The following SPG11 variants were observed in gnomAD, a reference collection of about 807,000 sequenced individuals.
SPG11 encodes SPG11 vesicle trafficking associated, spatacsin, also known as spatacsin.
A neutral mutation model predicts 274.0 loss-of-function variants in SPG11; 222 were observed. The ratio of observed to expected loss-of-function variants is 0.81; its 90% confidence interval spans 0.73 to 0.91. SPG11 has a LOEUF of 0.91. Among genes scored for constraint, SPG11 ranks in the 40% least tolerant of loss-of-function variants. The pLI is 0.00. For missense variants in SPG11, 3,114 were observed against 2,872.7 expected, an observed-to-expected ratio of 1.08 and a Z score of -1.92; for synonymous variants, 1,144 against 1,039.7, an observed-to-expected ratio of 1.10 and a Z score of -1.93.
chr15:44,649,255 G>C (rs1479014665), intron 6 of SPG11, among the ~76,000 whole-genome samples: 1 of 152,088 alleles, frequency 6.6e-6, no homozygotes, highest in Non-Finnish European at 1.5e-5. Flanking sequence ...CCGGAGGGCA[G>C]TGGTGTGATC....
At chr15:44,579,303 T>TC (rs1466295698) in intron 30 of SPG11, among the ~76,000 whole-genome samples, 1 of 151,040 alleles carries the variant, frequency 6.6e-6, no homozygotes, top group Non-Finnish European at 1.5e-5. Context: ...GGTGGGTGGA[T>TC]CACCTGCAGT....
rs149003934 is a variant in SPG11, at chr15:44,573,595, C to T, written c.6157G>A (p.Val2053Met). Residue 2053 changes from valine to methionine, a missense_variant, in exon 32 of 40, where the codon GTG becomes ATG. Physicochemically the swap from Val to Met is conservative, Grantham distance 21. Transcript: ENST00000261866. Reference sequence around the variant, plus strand: ...AGCTCCCGTGTCACCTCTTCTGCCACGAGTTCAGCCACAGTATCTGGCTTA... The same window carrying T: ...AGCTCCCGTGTCACCTCTTCTGCCATGAGTTCAGCCACAGTATCTGGCTTA... ...GLKPDTVAEL[V>M]AEEVTRELLT... 1.8e-4 allele frequency: 287 copies of T among 1,614,062 alleles called. No individual in the cohort carries two copies. The highest frequency in any genetic ancestry group is 2.3e-4 in the Non-Finnish European group (275 of 1,180,044).
At chr15:44,590,581 T>G (rs2082877958) in intron 27 of SPG11, 1 of 152,142 alleles carries the variant, frequency 6.6e-6, no homozygotes, top group African/African-American at 2.4e-5. Flanking sequence ...AACAGATGCT[T>G]CTTTTGTGAC....
In SPG11 at chr15:44,582,986, C is replaced by T. The variant is rs1282530583; in HGVS notation, c.5866+828G>A. ...AAGGTACAGATGTCCACTCTCGCCA[C>T]CCCTATCCAACACAGTACTGAAAGG... On this transcript the variant is annotated intron_variant, in intron 30 of 39. Transcript: ENST00000261866. 2.6e-5 allele frequency among the ~76,000 whole-genome samples: 4 copies of T among 152,270 alleles called. No individual in the cohort carries two copies. The South Asian group carries it at 6.2e-4, about 24-fold the overall frequency.
At chr15:44,642,861 C>A (rs2084494378) in intron 7 of SPG11, among the ~76,000 whole-genome samples, 1 of 152,038 alleles carries the variant, frequency 6.6e-6, no homozygotes, top group South Asian at 2.1e-4. Flanking sequence ...CAGAGCAAGA[C>A]CCTGTCTCAT....
chr15:44,566,560 G>A (rs1324140745), intron 36 of SPG11, among the ~76,000 whole-genome samples: 3 of 152,100 alleles, frequency 2.0e-5, no homozygotes, highest in Non-Finnish European at 2.9e-5. Flanking sequence ...TGGTATCAAC[G>A]TGCATGTTGG....
rs765967405 is a variant in SPG11 at position 44,652,245 on chromosome 15, C to A, written c.891G>T (p.Leu297=). The A allele has an allele frequency of 6.2e-7, 1 of 1,613,928 alleles. No homozygotes were observed. The highest frequency in any genetic ancestry group is 8.5e-7 in the Non-Finnish European group (1 of 1,180,004). The change falls in exon 5 of 40, where the codon CTG becomes CTT. Residue 297 remains leucine (L), a synonymous_variant. Transcript: ENST00000261866. ...LYFRQHPGHL[L]CERILEDLPI... is the part of the protein sequence containing the mutation. ...GAAGATCTTCTAGTATTCTTTCACA[C>A]AGTAGGTGTCCTGGGTGTTGCCTAC...
chr15:44,594,595 CGAA>C (rs2082986440), intron 26 of SPG11, among the ~76,000 whole-genome samples: 1 of 76,346 alleles, frequency 1.3e-5, no homozygotes. Flanking sequence ...ATTAAAAATG[CGAA>C]AAAAAAAAAA....
At chr15:44,629,086 A>G (rs1290126059) in intron 9 of SPG11, 147 bp downstream of exon 9, 5 of 973,850 alleles carry the variant, frequency 5.1e-6, no homozygotes, top group Non-Finnish European at 8.0e-6. Context: ...ATCAAAACCC[A>G]TTTCACTTAC....
rs892937993 is a variant in SPG11 at position 44,652,129 on chromosome 15, C to T, written c.1007G>A (p.Arg336Lys). ...CTACATGAAAAGGAAGTTTCTGTAC[C>T]TATCAATTTGGAAGGAAAACTTGGC... Reference protein sequence around the residue: ...KLAKFSFQIDRSWKAQLSSLN... With the variant: ...KLAKFSFQIDKSWKAQLSSLN... Residue 336 changes from arginine (R) to lysine (K), a missense_variant and splice_region_variant, in exon 5 of 40, where the codon AGG (arginine) becomes AAG (lysine). Transcript: ENST00000261866. 16 of 1,614,012 alleles carry T rather than the reference C, an allele frequency of 9.9e-6. No homozygotes were observed. The highest frequency in any genetic ancestry group is 1.4e-5 in the Non-Finnish European group (16 of 1,179,982).
chr15:44,612,633 G>C (rs1179710638), intron 17 of SPG11, among the ~76,000 whole-genome samples: 2 of 152,072 alleles, frequency 1.3e-5, no homozygotes, highest in African/African-American at 4.8e-5. Context: ...CTATCCTCAA[G>C]TGATCCTTCC....
chr15:44,616,207 C>CTTTT (rs534285308), intron 15 of SPG11, among the ~76,000 whole-genome samples: 1 of 138,168 alleles, frequency 7.2e-6, no homozygotes, highest in African/African-American at 2.6e-5. Context: ...CATTCCCATA[C>CTTTT]TTTTTTTTTT....
chr15:44,584,099 G>C lies in SPG11; in HGVS notation c.5581C>G (p.Pro1861Ala). ...TSKYLELNSL[P>A]SKETCENRLD... ...CTATTCTCGCATGTCTCTTTGGATGGAAGGCTGTTAAGTTCTAAGTATTTT... is the reference window on the plus strand; with the variant it reads ...CTATTCTCGCATGTCTCTTTGGATGCAAGGCTGTTAAGTTCTAAGTATTTT... The change falls in exon 30 of 40, where the codon CCA becomes GCA. Residue 1861 changes from proline (P) to alanine (A), a missense_variant. Transcript: ENST00000261866. The C allele has an allele frequency of 6.2e-7, 1 of 1,614,236 alleles. No homozygotes were observed. The highest frequency in any genetic ancestry group is 1.1e-5 in the South Asian group (1 of 91,088).
In SPG11 at chr15:44,615,358, C is replaced by T; in HGVS notation, c.3038+5G>A. On this transcript the variant is annotated splice_donor_5th_base_variant and intron_variant, in intron 16 of 39. Coordinates refer to ENST00000261866, the MANE Select transcript of SPG11 (RefSeq NM_025137.4). ...CTCAAGGACAAATGCATTCTCAGTA[C>T]TCACTTGTAACAGTCAAGGTAGACA... 6.2e-7 allele frequency: 1 copy of T among 1,612,610 alleles called. No individual in the cohort carries two copies. Among genetic ancestry groups the T allele is most frequent in the Non-Finnish European group, 8.5e-7 (1 of 1,179,284 alleles).
At chr15:44,607,097 A>G (rs2083340221) in intron 19 of SPG11, among the ~76,000 whole-genome samples, 1 of 152,208 alleles carries the variant, frequency 6.6e-6, no homozygotes, top group Admixed American at 6.5e-5. Flanking sequence ...AAGTCTTGCT[A>G]CAAAAAAACC....
chr15:44,590,763 G>A (rs1013495399), intron 27 of SPG11: 2 of 152,148 alleles, frequency 1.3e-5, no homozygotes, highest in African/African-American at 2.4e-5. Flanking sequence ...TTCAAAACAC[G>A]TATATGTTAA....
chr15:44,576,794 G>C (rs1310062589), intron 30 of SPG11, among the ~76,000 whole-genome samples: 1 of 152,108 alleles, frequency 6.6e-6, no homozygotes, highest in Admixed American at 6.5e-5. Flanking sequence ...GTAAAAGATA[G>C]TTATTCTGGG....
Position 44,596,838 on chromosome 15 carries a change from A to T in SPG11, c.4107T>A (p.Asn1369Lys), listed in dbSNP as rs200700774. Residue 1369 changes from asparagine (N) to lysine (K), a missense_variant, in exon 24 of 40, where the codon AAT (asparagine) becomes AAA (lysine). By Grantham distance (94) the Asn-to-Lys change is moderately conservative. Transcript: ENST00000261866. ...ISYLRECAKANDWLQFIIHSQ... is the reference protein window; with the variant it reads ...ISYLRECAKAKDWLQFIIHSQ... ...TGTGAATAATGAACTGCAGCCAATC[A>T]TTTGCTTTGGCACATTCTCTAAGGT... The T allele has an allele frequency of 4.3e-6, 7 of 1,614,064 alleles. No homozygotes were observed. The highest frequency in any genetic ancestry group is 8.5e-7 in the Non-Finnish European group (1 of 1,180,008).
Position 44,572,699 on chromosome 15 carries a change from A to T in SPG11, c.6327T>A (p.His2109Gln), listed in dbSNP as rs754787719. The change falls in exon 33 of 40, where the codon CAT (histidine) becomes CAA (glutamine). Residue 2109 changes from histidine (H) to glutamine (Q), a missense_variant. Transcript: ENST00000261866. ...ATAACTTACTGCAAGACAGTTCCCC[A>T]TGGGGAACGGAGGAAATCTTATCCA... is the stretch of plus-strand genomic sequence containing the variant. The part of the protein sequence containing the change: ...KLLDKISSVP[H>Q]GELSCTTELL... 1 of 1,614,116 alleles carries T rather than the reference A, an allele frequency of 6.2e-7. No individual in the cohort carries two copies. Among genetic ancestry groups the T allele is most frequent in the Non-Finnish European group, 8.5e-7 (1 of 1,179,992 alleles).
Sources: gnomAD v4.1 joint callset for allele counts (sites outside exome capture counted in the v4.1 genomes callset) on GRCh38, gnomAD v4.1.1 for gene constraint, MANE v1.5 for transcripts, NCBI Gene and HGNC (gene_info 2026-07-23, HGNC 2026-07-21) for gene names.